Variants in LHFPL3 observed in about 807,000 individuals in gnomAD.
LHFPL3 encodes the protein LHFPL tetraspan subfamily member 3, also known as LHFPL tetraspan subfamily member 3 protein.
Under a neutral mutation model 19.3 loss-of-function variants are expected in LHFPL3, and 5 were observed. That is an observed-to-expected ratio of 0.26 (90% CI 0.14 to 0.54). The LOEUF is 0.54. Ranked by LOEUF, LHFPL3 falls within the 20% of genes least tolerant of loss-of-function variation. The probability of loss-of-function intolerance (pLI) is 0.94; values close to 1 mark genes in which losing one functional copy is unlikely to be tolerated. For synonymous variants in LHFPL3, 133 were observed against 126.2 expected, an observed-to-expected ratio of 1.05 and a Z score of -0.36; for missense variants, 249 against 307.4, an observed-to-expected ratio of 0.81 and a Z score of 1.42.
intron 1 of LHFPL3, among the ~76,000 whole-genome samples, chr7:104,676,272 G>C (rs1242535719): frequency 6.6e-6 from 1 of 152,074 alleles, no homozygotes; most frequent in Admixed American, 6.5e-5. Context: ...TTTAAACAGA[G>C]GACTAATATC....
chr7:104,495,805 G>A (rs1793462600), intron 1 of LHFPL3, among the ~76,000 whole-genome samples: 1 of 152,104 alleles, frequency 6.6e-6, no homozygotes, highest in Non-Finnish European at 1.5e-5. Flanking sequence ...TTACAGGTGT[G>A]AGCCACCACA....
At chr7:104,564,739 C>A (rs931524111) in intron 1 of LHFPL3, among the ~76,000 whole-genome samples, 1 of 152,112 alleles carries the variant, frequency 6.6e-6, no homozygotes, top group African/African-American at 2.4e-5. Context: ...GGGCCCATTT[C>A]CCTTTAGATA....
At chr7:104,804,259 T>A (rs936418524) in intron 2 of LHFPL3, among the ~76,000 whole-genome samples, 6 of 152,224 alleles carry the variant, frequency 3.9e-5, no homozygotes, top group African/African-American at 1.4e-4. Context: ...AAGTCACTTT[T>A]CGACATCTGG....
At position 104,906,234 on chromosome 7, in the gene LHFPL3, A is replaced by G. The variant is rs370934861; in HGVS notation, c.*19A>G. On this transcript the variant is annotated 3_prime_UTR_variant, in exon 3 of 3. Transcript: ENST00000424859. ...AGAATGAGCACAAAACAAATCGAAT[A>G]ACAGCTAAACAAATCGAATAACAGC... is the stretch of plus-strand genomic sequence containing the variant. 10 of 1,603,938 alleles carry G rather than the reference A, an allele frequency of 6.2e-6. No homozygotes were observed. The African/African-American group carries it at 1.1e-4, about 17-fold the overall frequency.
intron 1 of LHFPL3, among the ~76,000 whole-genome samples, chr7:104,595,246 A>G (rs1790823209): frequency 6.6e-6 from 1 of 151,660 alleles, no homozygotes; most frequent in Non-Finnish European, 1.5e-5. Flanking sequence ...CTTTTTGTTG[A>G]TGTTGATGCT....
chr7:104,467,631 A>G (rs753774608), intron 1 of LHFPL3, among the ~76,000 whole-genome samples: 6 of 152,226 alleles, frequency 3.9e-5, no homozygotes, highest in Non-Finnish European at 8.8e-5. Flanking sequence ...GGCAGACTGC[A>G]TATAGATGCG....
chr7:104,828,708 C>A (rs1326424096), intron 2 of LHFPL3, among the ~76,000 whole-genome samples: 1 of 151,874 alleles, frequency 6.6e-6, no homozygotes, highest in Admixed American at 6.6e-5. Flanking sequence ...AGACAAATGG[C>A]GTAAGTGGGA....
intron 1 of LHFPL3, among the ~76,000 whole-genome samples, chr7:104,656,528 T>C (rs902950052): frequency 6.6e-6 from 1 of 152,246 alleles, no homozygotes; most frequent in African/African-American, 2.4e-5. Flanking sequence ...GAGGCTGATA[T>C]ATGACCCTGA....
intron 1 of LHFPL3, among the ~76,000 whole-genome samples, chr7:104,610,977 G>C (rs1048572077): frequency 6.6e-6 from 1 of 152,140 alleles, no homozygotes; most frequent in African/African-American, 2.4e-5. Context: ...TTGCACAGTA[G>C]CATGAATCGG....
At chr7:104,359,832 G>A (rs541008112) in intron 1 of LHFPL3, among the ~76,000 whole-genome samples, 8 of 152,254 alleles carry the variant, frequency 5.3e-5, no homozygotes, top group Non-Finnish European at 1.0e-4. Flanking sequence ...CCTAGCTCTT[G>A]GGAACACCTA....
At chr7:104,525,012 C>T (rs377048443) in intron 1 of LHFPL3, among the ~76,000 whole-genome samples, 36 of 152,236 alleles carry the variant, frequency 2.4e-4, no homozygotes, top group African/African-American at 6.7e-4. Flanking sequence ...TATGCGTCGT[C>T]GTGGAAATAT....
intron 1 of LHFPL3, among the ~76,000 whole-genome samples, chr7:104,619,360 A>G (rs901875095): frequency 6.6e-6 from 1 of 152,038 alleles, no homozygotes; most frequent in African/African-American, 2.4e-5. Flanking sequence ...TATCATGACT[A>G]TTTTAAAACT....
chr7:104,416,690 T>C (rs1364849039), intron 1 of LHFPL3, among the ~76,000 whole-genome samples: 1 of 152,224 alleles, frequency 6.6e-6, no homozygotes, highest in Non-Finnish European at 1.5e-5. Context: ...GAATGACATA[T>C]GTTCAACACA....
chr7:104,697,188 T>C (rs1412271467), intron 1 of LHFPL3, among the ~76,000 whole-genome samples: 1 of 152,158 alleles, frequency 6.6e-6, no homozygotes, highest in Non-Finnish European at 1.5e-5. Context: ...CATCTCTTAA[T>C]ACTATCACAT....
chr7:104,705,158 A>G (rs1793169034), intron 1 of LHFPL3, among the ~76,000 whole-genome samples: 1 of 152,046 alleles, frequency 6.6e-6, no homozygotes, highest in Non-Finnish European at 1.5e-5. Context: ...CAGGTAGGTA[A>G]TTTTTTTCTT....
At chr7:104,867,969 G>A (rs964540841) in intron 2 of LHFPL3, among the ~76,000 whole-genome samples, 13 of 152,154 alleles carry the variant, frequency 8.5e-5, no homozygotes, top group South Asian at 4.1e-4. Context: ...CAGAACCAAC[G>A]ACAAAAACCA....
At chr7:104,554,675 A>ATAGATAGATAGATAGATAGATAGATAGT (rs1554406544) in intron 1 of LHFPL3, among the ~76,000 whole-genome samples, 11 of 151,172 alleles carry the variant, frequency 7.3e-5, no homozygotes, top group Non-Finnish European at 8.8e-5. Flanking sequence ...AGATAGATAG[A>ATAGATAGATAGATAGATAGATAGATAGT]TAGATAGATA....
chr7:104,861,074 C>T (rs12535201), intron 2 of LHFPL3, among the ~76,000 whole-genome samples: 13,662 of 152,038 alleles, frequency 0.09, 1,313 homozygotes, highest in East Asian at 0.44. Flanking sequence ...AAGAGAGAGC[C>T]GGTGAATTCT....
At chr7:104,511,507 C>T (rs1176003494) in intron 1 of LHFPL3, among the ~76,000 whole-genome samples, 1 of 152,168 alleles carries the variant, frequency 6.6e-6, no homozygotes. Flanking sequence ...TACCCCAAAA[C>T]CTCTACGTAA....
Sources: gnomAD v4.1 joint callset for allele counts (sites outside exome capture counted in the v4.1 genomes callset) on GRCh38, gnomAD v4.1.1 for gene constraint, MANE v1.5 for transcripts, NCBI Gene and HGNC (gene_info 2026-07-23, HGNC 2026-07-21) for gene names.